The following SYT6 variants were observed in gnomAD, a reference collection of about 807,000 sequenced individuals.
SYT6 encodes synaptotagmin-6.
SYT6 carries 24 observed loss-of-function variants against 38.4 expected under a neutral mutation model. The ratio of observed to expected loss-of-function variants is 0.62; its 90% confidence interval spans 0.45 to 0.88. The LOEUF is 0.88. Ranked by LOEUF, SYT6 falls within the 40% of genes least tolerant of loss-of-function variation. SYT6 has a pLI of 0.00. For synonymous variants in SYT6, 265 were observed against 241.9 expected (o/e 1.10, Z -0.89); for missense variants, 611 against 621.0 (o/e 0.98, Z 0.17).
chr1:114,128,100 T>C (rs1178216507), intron 3 of SYT6, among the ~76,000 whole-genome samples: 1 of 152,214 alleles, frequency 6.6e-6, no homozygotes, highest in African/African-American at 2.4e-5. Context: ...TCCGGCTGCA[T>C]GGTTTGGCCT....
chr1:114,092,072 C>T lies in SYT6; in HGVS notation c.*62G>A, dbSNP rs775289068. The T allele has an allele frequency of 2.1e-5, 32 of 1,536,250 alleles. No homozygotes were observed. In the Admixed American group the frequency reaches 3.3e-4, roughly 16 times the overall value. On this transcript the variant is annotated 3_prime_UTR_variant, in exon 8 of 8. Coordinates refer to ENST00000610222, the MANE Select transcript of SYT6 (RefSeq NM_001253772.2). Reference sequence around the variant, plus strand: ...GCTCTCACTGTCGAAGCTAGCAGCTCGGCCCTGCCACTGCAAAGAGGAGAA... The same window carrying T: ...GCTCTCACTGTCGAAGCTAGCAGCTTGGCCCTGCCACTGCAAAGAGGAGAA...
At chr1:114,098,284 T>TAA (rs2101625370) in intron 5 of SYT6, among the ~76,000 whole-genome samples, 1 of 152,330 alleles carries the variant, frequency 6.6e-6, no homozygotes, top group East Asian at 1.9e-4. Context: ...GAATGTGATT[T>TAA]ATTCACTCGG....
intron 3 of SYT6, among the ~76,000 whole-genome samples, chr1:114,116,830 A>C (rs1042198481): frequency 6.6e-6 from 1 of 152,168 alleles, no homozygotes; most frequent in Non-Finnish European, 1.5e-5. Context: ...TGGGGCATCT[A>C]TGCCTTCCCT....
chr1:114,114,565 AAT>A (rs1676880408), intron 3 of SYT6, among the ~76,000 whole-genome samples: 1 of 152,164 alleles, frequency 6.6e-6, no homozygotes, highest in Admixed American at 6.5e-5. Flanking sequence ...GGGTGGGCTG[AAT>A]ATTCCCTGCA....
intron 1 of SYT6, among the ~76,000 whole-genome samples, chr1:114,153,175 C>G (rs1679536975): frequency 1.3e-5 from 2 of 152,226 alleles, no homozygotes; most frequent in Non-Finnish European, 2.9e-5. Context: ...ACGGACAGAC[C>G]GACGCACGGA....
chr1:114,129,105 A>C (rs1382109261), intron 3 of SYT6, among the ~76,000 whole-genome samples: 1 of 152,108 alleles, frequency 6.6e-6, no homozygotes, highest in East Asian at 1.9e-4. Flanking sequence ...AGATTTCCCA[A>C]CTCAGCATCC....
At chr1:114,137,291 C>T (rs1192199731) in intron 3 of SYT6, among the ~76,000 whole-genome samples, 4 of 152,216 alleles carry the variant, frequency 2.6e-5, no homozygotes, top group Non-Finnish European at 4.4e-5. Context: ...CCCTTCCTAG[C>T]TACATGGGGA....
At position 114,099,216 on chromosome 1, in the gene SYT6, C is replaced by T. The variant is rs767345262; in HGVS notation, c.1242G>A (p.Lys414=). Residue 414 remains lysine (K), a synonymous_variant, in exon 5 of 8, where the codon AAG becomes AAA. Transcript: ENST00000610222. ...SLLCDGRRLK[K]KKTTIKKNTL... ...TGTTTTTCTTTATGGTTGTTTTCTT[C>T]TTCTTCAGCCTCCGCCCATCACAGA... 5.0e-6 allele frequency: 8 copies of T among 1,614,040 alleles called. No individual in the cohort carries two copies. Among genetic ancestry groups the T allele is most frequent in the Admixed American group, 1.7e-5 (1 of 60,012 alleles).
chr1:114,122,506 T>TGTGTGTGTGTGCGCGTGC, intron 3 of SYT6, among the ~76,000 whole-genome samples: 1 of 147,408 alleles, frequency 6.8e-6, no homozygotes, highest in East Asian at 2.1e-4. Context: ...TGTGTGTGTG[T>TGTGTGTGTGTGCGCGTGC]GCGCGCACAT....
At chr1:114,111,745 T>TGAGTTAATTCATGTAAATGTTCAGTG (rs147370990) in intron 3 of SYT6, among the ~76,000 whole-genome samples, 2 of 151,494 alleles carry the variant, frequency 1.3e-5, no homozygotes, top group African/African-American at 4.9e-5. Context: ...CCCGGCAGGA[T>TGAGTTAATTCATGTAAATGTTCAGTG]GTGCTAAACT....
In SYT6 at chr1:114,137,920, A is replaced by G. The variant is rs2101089275; in HGVS notation, c.646T>C (p.Ser216Pro). 1 of 1,613,772 alleles carries G rather than the reference A, an allele frequency of 6.2e-7. No individual in the cohort carries two copies. Among genetic ancestry groups the G allele is most frequent in the East Asian group, 2.2e-5 (1 of 44,842 alleles). The stretch of plus-strand genomic sequence containing the variant: ...GACTTGGCATCCTCCCCATCCACCG[A>G]CTTCTGCTTGTAGAGCTCAGGCTTG... Reference protein sequence around the residue: ...RIKPELYKQKSVDGEDAKSEA... With the variant: ...RIKPELYKQKPVDGEDAKSEA... Residue 216 changes from serine to proline, a missense_variant, in exon 3 of 8, where the codon TCG becomes CCG. Coordinates refer to ENST00000610222, the MANE Select transcript of SYT6 (RefSeq NM_001253772.2).
intron 1 of SYT6, among the ~76,000 whole-genome samples, chr1:114,147,783 T>G (rs1168607675): frequency 1.3e-5 from 2 of 152,248 alleles, no homozygotes; most frequent in Non-Finnish European, 2.9e-5. Context: ...ATTCCTACTT[T>G]GCAGAATCAT....
rs942520632 is a variant in SYT6 at position 114,089,447 on chromosome 1, C to A, written c.*2687G>T. On this transcript the variant is annotated 3_prime_UTR_variant, in exon 8 of 8. Transcript: ENST00000610222. The stretch of plus-strand genomic sequence containing the variant: ...GAGGGGGAGGAGGGCGTCTTTCAGC[C>A]CGGAAACACTGCTAAATAAAGGAGA... The A allele has an allele frequency of 6.6e-6, 1 of 152,562 alleles. No homozygotes were observed. The highest frequency in any genetic ancestry group is 2.4e-5 in the African/African-American group (1 of 41,388). 9.5% of individuals were successfully genotyped at this position (152,562 alleles called of 1,614,324 possible).
rs1350092017 is a variant in SYT6 at position 114,091,891 on chromosome 1, CTG to C, written c.*241_*242del. 24 of 956,962 alleles carry C rather than the reference CTG, an allele frequency of 2.5e-5. No homozygotes were observed. The highest frequency in any genetic ancestry group is 3.2e-6 in the Non-Finnish European group (2 of 634,608). The allele number at this position is 956,962 out of a possible 1,614,324, so 59.3% of individuals were successfully genotyped here. ...GACCTACACAGGAGCAGGTAAGACT[CTG>C]GAGTGACGGACGGCTGCCGCTGCTG... On this transcript the variant is annotated 3_prime_UTR_variant, in exon 8 of 8. Transcript: ENST00000610222.
At chr1:114,142,800 T>C (rs1678933056) in intron 1 of SYT6, among the ~76,000 whole-genome samples, 1 of 152,192 alleles carries the variant, frequency 6.6e-6, no homozygotes, top group Non-Finnish European at 1.5e-5. Context: ...AAAAAGAGAT[T>C]AAGACTCACT....
At chr1:114,109,775 C>T (rs1490723886) in intron 3 of SYT6, among the ~76,000 whole-genome samples, 1 of 152,160 alleles carries the variant, frequency 6.6e-6, no homozygotes, top group African/African-American at 2.4e-5. Flanking sequence ...CGTGGGCATG[C>T]AGAGCAAGGA....
Position 114,093,662 on chromosome 1 carries a change from G to T in SYT6, c.*51+73C>A, listed in dbSNP as rs922681960. ...CATCCTGCTGCTATCTCAGCATCTG[G>T]CCACACTAGGGGAAGAAGGAGACAA... On this transcript the variant is annotated intron_variant, in intron 7 of 7. Coordinates refer to ENST00000610222, the MANE Select transcript of SYT6 (RefSeq NM_001253772.2). The T allele has an allele frequency of 2.4e-5, 34 of 1,419,842 alleles. No homozygotes were observed. In the African/African-American group the frequency reaches 4.1e-4, roughly 17 times the overall value. The allele number at this position is 1,419,842 out of a possible 1,614,324, so 88.0% of individuals were successfully genotyped here. A position where few individuals can be genotyped will look rare whatever the true frequency, so the allele number is the denominator to read the frequency against.
chr1:114,095,984 A>G (rs1675617192), intron 6 of SYT6, among the ~76,000 whole-genome samples: 1 of 151,438 alleles, frequency 6.6e-6, no homozygotes, highest in Admixed American at 6.6e-5. Context: ...CTAAGGCCCT[A>G]CAGCCGACCA....
chr1:114,092,202 A>G lies in SYT6; in HGVS notation c.*52-120T>C, dbSNP rs1015528176. On this transcript the variant is annotated intron_variant, in intron 7 of 7. Transcript: ENST00000610222. ...TCCTAGCTTCTCATAAGCTTTCTTG[A>G]ATTTTGCTGTCAGCCATGCAAAAAC... The G allele has an allele frequency of 3.3e-5, 32 of 970,394 alleles. No individual in the cohort carries two copies. In the African/African-American group the frequency reaches 5.1e-4, roughly 16 times the overall value. The allele number at this position is 970,394 out of a possible 1,614,324, so 60.1% of individuals were successfully genotyped here.
Sources: allele counts gnomAD v4.1 joint callset (sites outside exome capture counted in the v4.1 genomes callset), GRCh38; gene constraint gnomAD v4.1.1; transcripts MANE v1.5; gene names NCBI Gene and HGNC (gene_info 2026-07-23, HGNC 2026-07-21).